The following CACNA2D3 variants were observed in gnomAD, a reference collection of about 807,000 sequenced individuals.
CACNA2D3 encodes the protein calcium voltage-gated channel auxiliary subunit alpha2delta 3.
A neutral mutation model predicts 160.6 loss-of-function variants in CACNA2D3; 60 were observed. The observed-to-expected ratio is 0.37, with a 90% CI of 0.30 to 0.46. CACNA2D3 has a LOEUF of 0.46. CACNA2D3 is among the 20% of genes least tolerant of loss of function. The probability of loss-of-function intolerance (pLI) is 1.00; values close to 1 mark genes in which losing one functional copy is unlikely to be tolerated. For synonymous variants in CACNA2D3, 558 were observed against 492.9 expected (o/e 1.13, Z -1.75); for missense variants, 1,205 against 1,365.0 (o/e 0.88, Z 1.85).
At chr3:54,821,637 T>TCTCG (rs1703594466) in intron 14 of CACNA2D3, among the ~76,000 whole-genome samples, 1 of 147,766 alleles carries the variant, frequency 6.8e-6, no homozygotes, top group African/African-American at 2.5e-5. Context: ...TTCTAGAGTC[T>TCTCG]TTCGTTCTTT....
intron 4 of CACNA2D3, among the ~76,000 whole-genome samples, chr3:54,414,801 CTTTTT>C (rs34567327): frequency 1.4e-5 from 2 of 138,540 alleles, no homozygotes; most frequent in Non-Finnish European, 3.1e-5. Flanking sequence ...ATTCTTTTAA[CTTTTT>C]TTTTTTTTTT....
chr3:54,676,111 C>T (rs1474673990), intron 11 of CACNA2D3, among the ~76,000 whole-genome samples: 1 of 152,172 alleles, frequency 6.6e-6, no homozygotes, highest in Non-Finnish European at 1.5e-5. Flanking sequence ...TTAGTAACAT[C>T]AACCACGCAC....
intron 11 of CACNA2D3, among the ~76,000 whole-genome samples, chr3:54,718,559 C>T (rs938582105): frequency 6.6e-6 from 1 of 151,478 alleles, no homozygotes; most frequent in African/African-American, 2.4e-5. Context: ...TATGTTTGTA[C>T]TCTGTTTTAA....
chr3:54,507,000 T>TAC (rs1701381663), intron 5 of CACNA2D3, among the ~76,000 whole-genome samples: 1 of 152,302 alleles, frequency 6.6e-6, no homozygotes, highest in Admixed American at 6.5e-5. Context: ...CATATATATA[T>TAC]ACATACACAC....
At position 54,590,303 on chromosome 3, in the gene CACNA2D3, G is replaced by A. The variant is rs532308878; in HGVS notation, c.963+8426G>A. The stretch of plus-strand genomic sequence containing the variant: ...TTGAATCTTTAGGGAGTCATGCTGA[G>A]TGAAAAATAAAAAAGCCAATATCAA... On this transcript the variant is annotated intron_variant, in intron 9 of 37. Coordinates refer to ENST00000474759, the MANE Select transcript of CACNA2D3 (RefSeq NM_018398.3). Among the ~76,000 whole-genome samples the A allele has an allele frequency of 2.0e-5, 3 of 152,214 alleles. No individual in the cohort carries two copies. The South Asian group carries it at 6.2e-4, about 32-fold the overall frequency.
chr3:54,331,312 C>T (rs1704247202), intron 3 of CACNA2D3, among the ~76,000 whole-genome samples: 1 of 152,166 alleles, frequency 6.6e-6, no homozygotes, highest in Non-Finnish European at 1.5e-5. Flanking sequence ...ATGAATGTCT[C>T]TATTGGTTGA....
intron 4 of CACNA2D3, among the ~76,000 whole-genome samples, chr3:54,464,382 G>A (rs868828106): frequency 6.6e-6 from 1 of 152,214 alleles, no homozygotes; most frequent in African/African-American, 2.4e-5. Flanking sequence ...CAGAGGTGGA[G>A]CCTACAGAGG....
intron 13 of CACNA2D3, among the ~76,000 whole-genome samples, chr3:54,808,135 G>A (rs1274389510): frequency 6.6e-6 from 1 of 151,592 alleles, no homozygotes; most frequent in Admixed American, 6.6e-5. Context: ...CAGCACATCA[G>A]CATGGCACAT....
chr3:54,795,978 G>A (rs1252462833), intron 13 of CACNA2D3, among the ~76,000 whole-genome samples: 1 of 152,130 alleles, frequency 6.6e-6, no homozygotes, highest in Non-Finnish European at 1.5e-5. Context: ...GGGGGCTGGG[G>A]AACAAAATGT....
At chr3:54,975,251 G>A (rs1702361557) in intron 29 of CACNA2D3, among the ~76,000 whole-genome samples, 1 of 152,156 alleles carries the variant, frequency 6.6e-6, no homozygotes, top group African/African-American at 2.4e-5. Flanking sequence ...GGGCACGATG[G>A]CTCACACCTG....
chr3:54,787,758 G>A (rs1470287093), intron 13 of CACNA2D3, among the ~76,000 whole-genome samples: 1 of 152,150 alleles, frequency 6.6e-6, no homozygotes, highest in Non-Finnish European at 1.5e-5. Context: ...AGTTTGCTAT[G>A]CAGACGAAAG....
chr3:54,660,643 T>G (rs1699951277), intron 11 of CACNA2D3, among the ~76,000 whole-genome samples: 2 of 152,198 alleles, frequency 1.3e-5, no homozygotes, highest in South Asian at 4.1e-4. Flanking sequence ...ATCAACAGAT[T>G]ATCTGCCCTA....
At chr3:54,815,080 G>A (rs1319418408) in intron 13 of CACNA2D3, among the ~76,000 whole-genome samples, 1 of 152,182 alleles carries the variant, frequency 6.6e-6, no homozygotes, top group Non-Finnish European at 1.5e-5. Flanking sequence ...TTTTTTAAAA[G>A]TGATTCCTCA....
intron 29 of CACNA2D3, among the ~76,000 whole-genome samples, chr3:54,981,806 G>GC (rs201289328): frequency 2.6e-5 from 4 of 152,266 alleles, no homozygotes; most frequent in East Asian, 1.9e-4. Flanking sequence ...GCTCATACTT[G>GC]CCCCCCCATT....
At chr3:55,073,388 A>G (rs1704861673) in intron 35 of CACNA2D3, 57 bp from the exon 36 acceptor site, 41 of 1,329,450 alleles carry the variant, frequency 3.1e-5, no homozygotes, top group East Asian at 9.2e-5. Context: ...AGTCTTCCTC[A>G]TGGCTCTTTA....
intron 3 of CACNA2D3, among the ~76,000 whole-genome samples, chr3:54,356,676 T>C (rs1160497894): frequency 6.6e-6 from 1 of 152,188 alleles, no homozygotes; most frequent in Admixed American, 6.5e-5. Context: ...CGTTAAGTGT[T>C]GATGAATATC....
intron 14 of CACNA2D3, among the ~76,000 whole-genome samples, chr3:54,821,111 G>A (rs1412493658): frequency 2.6e-5 from 4 of 152,146 alleles, no homozygotes; most frequent in Non-Finnish European, 5.9e-5. Context: ...CACAACTTTG[G>A]AATTTGCAAA....
At chr3:54,382,868 G>A (rs1699127087) in intron 3 of CACNA2D3, among the ~76,000 whole-genome samples, 1 of 152,188 alleles carries the variant, frequency 6.6e-6, no homozygotes, top group South Asian at 2.1e-4. Flanking sequence ...TATTTTTTGA[G>A]ATAGGGTCTT....
intron 9 of CACNA2D3, chr3:54,626,065 C>T: frequency 9.0e-6 from 5 of 555,602 alleles, no homozygotes; most frequent in Non-Finnish European, 9.7e-6. Context: ...CCTCTCCCTC[C>T]TGGTGACTCC....
Sources: gnomAD v4.1 joint callset for allele counts (sites outside exome capture counted in the v4.1 genomes callset) on GRCh38, gnomAD v4.1.1 for gene constraint, MANE v1.5 for transcripts, NCBI Gene and HGNC (gene_info 2026-07-23, HGNC 2026-07-21) for gene names.